Variants in CRYM observed in about 807,000 individuals in gnomAD.
The protein encoded by CRYM is crystallin mu.
A neutral mutation model predicts 32.9 loss-of-function variants in CRYM; 18 were observed. The observed-to-expected ratio is 0.55, with a 90% CI of 0.38 to 0.81. CRYM has a LOEUF of 0.81. Among genes scored for constraint, CRYM ranks in the 30% least tolerant of loss-of-function variants. The pLI is 0.00. For synonymous variants in CRYM, 153 were observed against 152.4 expected (o/e 1.00, Z -0.03); for missense variants, 337 against 393.5 (o/e 0.86, Z 1.21).
At chr16:21,267,286 C>T (rs556662907) in intron 5 of CRYM, among the ~76,000 whole-genome samples, 6 of 152,086 alleles carry the variant, frequency 3.9e-5, no homozygotes, top group South Asian at 2.1e-4. Flanking sequence ...TTAGTAGAGA[C>T]GGGGTTTTGC....
chr16:21,274,039 A>G (rs1391228310), intron 3 of CRYM, among the ~76,000 whole-genome samples: 1 of 152,130 alleles, frequency 6.6e-6, no homozygotes, highest in Non-Finnish European at 1.5e-5. Context: ...CAACCTGAAC[A>G]CCTGGTCTTT....
rs5816151 is a variant in CRYM, at chr16:21,261,447, TAAAAA to T, written c.796-114_796-110del. On this transcript the variant is annotated intron_variant, in intron 6 of 7. Coordinates refer to ENST00000572914, the MANE Select transcript of CRYM (RefSeq NM_001376256.1). ...GAATTGGATAAGAGATAAATTTGAT[TAAAAA>T]AAAAAAAAAAAAGAGAGAGATCCTT... 9 of 596,110 alleles carry T rather than the reference TAAAAA, an allele frequency of 1.5e-5. No homozygotes were observed. The East Asian group carries it at 1.8e-4, about 12-fold the overall frequency. The allele number at this position is 596,110 out of a possible 1,614,324, so 36.9% of individuals were successfully genotyped here. A position where few individuals can be genotyped will look rare whatever the true frequency, so the allele number is the denominator to read the frequency against.
intron 3 of CRYM, among the ~76,000 whole-genome samples, chr16:21,274,869 A>G (rs922908190): frequency 1.3e-5 from 2 of 152,052 alleles, no homozygotes; most frequent in African/African-American, 2.4e-5. Context: ...GCCTCCCAAA[A>G]TGTTGGGATT....
intron 1 of CRYM, among the ~76,000 whole-genome samples, chr16:21,288,663 G>C (rs2093411303): frequency 6.6e-6 from 1 of 151,866 alleles, no homozygotes; most frequent in African/African-American, 2.4e-5. Context: ...CTTTGGGTTT[G>C]GTTTGCTCTT....
chr16:21,259,115 T>C (rs944331720), intron 7 of CRYM, among the ~76,000 whole-genome samples: 23 of 151,932 alleles, frequency 1.5e-4, no homozygotes, highest in Non-Finnish European at 2.8e-4. Context: ...TTTTTTTTTT[T>C]CGAGATGGAG....
intron 1 of CRYM, chr16:21,300,970 C>T (rs76719139): frequency 0.017 from 2,527 of 152,156 alleles, 88 homozygotes; most frequent in East Asian, 0.08. Flanking sequence ...GCAGATGAAG[C>T]GGGCTGGGCG....
chr16:21,280,883 T>C (rs909682737), upstream of CRYM, among the ~76,000 whole-genome samples: 2 of 152,042 alleles, frequency 1.3e-5, no homozygotes. Context: ...GGCGGGCGGA[T>C]CATGTGAGGT....
chr16:21,270,732 T>G (rs184382822), intron 3 of CRYM, among the ~76,000 whole-genome samples: 1 of 152,286 alleles, frequency 6.6e-6, no homozygotes, highest in East Asian at 1.9e-4. Flanking sequence ...CTGCCTGGAT[T>G]CTGTGAGCCC....
chr16:21,287,337 A>G (rs868704632), intron 1 of CRYM, among the ~76,000 whole-genome samples: 2 of 152,238 alleles, frequency 1.3e-5, no homozygotes, highest in Non-Finnish European at 2.9e-5. Context: ...TTGAGAAGGT[A>G]TGATATAACA....
chr16:21,288,092 T>C (rs1356032099), intron 1 of CRYM, among the ~76,000 whole-genome samples: 1 of 152,208 alleles, frequency 6.6e-6, no homozygotes, highest in Admixed American at 6.5e-5. Context: ...TACTTTGTAG[T>C]GCTAGAATTG....
chr16:21,261,590 C>T, intron 6 of CRYM: 1 of 561,776 alleles, frequency 1.8e-6, no homozygotes, highest in South Asian at 2.1e-5. Flanking sequence ...GGGAGCTGTC[C>T]TGCCAAGATC....
chr16:21,280,125 A>G (rs1870996815), upstream of CRYM, among the ~76,000 whole-genome samples: 1 of 152,220 alleles, frequency 6.6e-6, no homozygotes, highest in African/African-American at 2.4e-5. Flanking sequence ...CACGCCTGTA[A>G]TCCTAGCACT....
At chr16:21,273,223 AC>A (rs1226591228) in intron 3 of CRYM, among the ~76,000 whole-genome samples, 1 of 152,138 alleles carries the variant, frequency 6.6e-6, no homozygotes, top group Non-Finnish European at 1.5e-5. Context: ...TGTTCATCAG[AC>A]CCTAGAGCTC....
chr16:21,291,578 G>T (rs1021396443), intron 1 of CRYM, among the ~76,000 whole-genome samples: 1 of 152,114 alleles, frequency 6.6e-6, no homozygotes, highest in Non-Finnish European at 1.5e-5. Context: ...CTGTGGGAAA[G>T]AATCTCTGTG....
intron 3 of CRYM, among the ~76,000 whole-genome samples, chr16:21,272,942 G>A (rs1328167015): frequency 6.7e-6 from 1 of 149,024 alleles, no homozygotes; most frequent in Non-Finnish European, 1.5e-5. Context: ...TGCTGGGATT[G>A]CAGGCGTGAG....
intron 4 of CRYM, 24 bp downstream of exon 4, chr16:21,269,766 T>G: frequency 1.4e-6 from 1 of 690,476 alleles, no homozygotes; most frequent in South Asian, 1.4e-5. Context: ...CCCTCTTCTC[T>G]CCCACCCCCA....
chr16:21,261,360 A>AC (rs2093354116), intron 6 of CRYM, 22 bp from the exon 7 acceptor site: 2 of 1,604,766 alleles, frequency 1.2e-6, no homozygotes, highest in Non-Finnish European at 1.7e-6. Context: ...ACATACGCTG[A>AC]CCCAGGCATG....
chr16:21,286,474 G>A (rs956948945), intron 1 of CRYM, among the ~76,000 whole-genome samples: 12 of 149,664 alleles, frequency 8.0e-5, no homozygotes, highest in South Asian at 2.1e-4. Flanking sequence ...TGACCCACCC[G>A]CCTCGGCCTC....
intron 3 of CRYM, among the ~76,000 whole-genome samples, chr16:21,274,717 T>G (rs1212494681): frequency 2.0e-5 from 3 of 152,124 alleles, no homozygotes; most frequent in Admixed American, 6.5e-5. Flanking sequence ...ACGTTTCTCC[T>G]GCCTCACTCT....
Sources: gnomAD v4.1 joint callset for allele counts (sites outside exome capture counted in the v4.1 genomes callset) on GRCh38, gnomAD v4.1.1 for gene constraint, MANE v1.5 for transcripts, NCBI Gene and HGNC (gene_info 2026-07-23, HGNC 2026-07-21) for gene names.